The following ATXN8OS variants were observed in gnomAD, a reference collection of about 807,000 sequenced individuals.
ATXN8OS encodes ATXN8 opposite strand (non-protein coding).
intron 1 of ATXN8OS, among the ~76,000 whole-genome samples, chr13:70,112,920 A>ATATTTTTTT (rs1555298511): frequency 2.3e-5 from 2 of 87,588 alleles, no homozygotes; most frequent in African/African-American, 4.4e-5. Context: ...TATATATATA[A>ATATTTTTTT]TTTTTTTTTT....
intron 4 of ATXN8OS, among the ~76,000 whole-genome samples, chr13:70,150,933 G>A (rs969950655): frequency 4.6e-5 from 7 of 152,046 alleles, no homozygotes; most frequent in African/African-American, 1.7e-4. Context: ...GAAGGTTCGT[G>A]GCAAAGCAGG....
Position 70,148,338 on chromosome 13 carries a change from T to C in ATXN8OS, n.573+910T>C, listed in dbSNP as rs576159938. Among the ~76,000 whole-genome samples, 7 of 152,316 alleles carry C rather than the reference T, an allele frequency of 4.6e-5. No homozygotes were observed. The South Asian group carries it at 1.4e-3, about 32-fold the overall frequency. Reference sequence around the variant, plus strand: ...CTTTGATTTCCTTTAGGGCCTGTTATCCATCAAGAGTCGGGTTGGACTTGG... The same window carrying C: ...CTTTGATTTCCTTTAGGGCCTGTTACCCATCAAGAGTCGGGTTGGACTTGG... On this transcript the variant is annotated intron_variant and non_coding_transcript_variant, in intron 4 of 4. Transcript: ENST00000678624.
At chr13:70,168,406 A>T (rs1295751229) in intron 4 of ATXN8OS, among the ~76,000 whole-genome samples, 1 of 152,034 alleles carries the variant, frequency 6.6e-6, no homozygotes, top group Non-Finnish European at 1.5e-5. Flanking sequence ...TGAAATATAC[A>T]ATATGTTGTT....
intron 3 of ATXN8OS, among the ~76,000 whole-genome samples, chr13:70,147,214 T>C (rs1246239827): frequency 6.6e-6 from 1 of 152,180 alleles, no homozygotes; most frequent in South Asian, 2.1e-4. Flanking sequence ...AAAGAAATAT[T>C]GTTCACTGTT....
intron 2 of ATXN8OS, among the ~76,000 whole-genome samples, chr13:70,120,333 A>T (rs1243268181): frequency 6.6e-6 from 1 of 152,216 alleles, no homozygotes; most frequent in Non-Finnish European, 1.5e-5. Context: ...ATCAGTAAGG[A>T]GAAATCTGCT....
At chr13:70,142,949 T>G (rs555370393) in intron 3 of ATXN8OS, among the ~76,000 whole-genome samples, 1 of 152,118 alleles carries the variant, frequency 6.6e-6, no homozygotes, top group Non-Finnish European at 1.5e-5. Context: ...GGCACACGCC[T>G]GTAATCCTAG....
chr13:70,159,092 C>G (rs1182570977), intron 4 of ATXN8OS, among the ~76,000 whole-genome samples: 1 of 151,898 alleles, frequency 6.6e-6, no homozygotes, highest in Admixed American at 6.6e-5. Context: ...CTCCTCATTA[C>G]TAGATAATAC....
At chr13:70,158,202 G>C (rs1390569811) in intron 4 of ATXN8OS, among the ~76,000 whole-genome samples, 1 of 151,970 alleles carries the variant, frequency 6.6e-6, no homozygotes, top group African/African-American at 2.4e-5. Flanking sequence ...GGCAGATCAC[G>C]AGGTCAGGAG....
chr13:70,156,290 T>C (rs1566616543), intron 4 of ATXN8OS, among the ~76,000 whole-genome samples: 1 of 151,956 alleles, frequency 6.6e-6, no homozygotes, highest in Non-Finnish European at 1.5e-5. Flanking sequence ...TTAAATTCAC[T>C]TTCCAAGTAT....
intron 2 of ATXN8OS, among the ~76,000 whole-genome samples, chr13:70,116,971 T>G (rs774123657): frequency 2.0e-5 from 3 of 152,164 alleles, no homozygotes; most frequent in African/African-American, 4.8e-5. Context: ...TGTTCTTCAC[T>G]GATGCAGAAT....
chr13:70,108,287 C>T (rs1888128340), intron 1 of ATXN8OS: 2 of 367,078 alleles, frequency 5.4e-6, no homozygotes, highest in Non-Finnish European at 9.7e-6. Flanking sequence ...TCGAGGATGC[C>T]CCGATAGCCT....
At chr13:70,117,167 G>T (rs1303341130) in intron 2 of ATXN8OS, among the ~76,000 whole-genome samples, 1 of 152,004 alleles carries the variant, frequency 6.6e-6, no homozygotes, top group Non-Finnish European at 1.5e-5. Flanking sequence ...ACACTAGAAA[G>T]TTGCTAAGAC....
intron 4 of ATXN8OS, among the ~76,000 whole-genome samples, chr13:70,156,621 C>A (rs1888940762): frequency 1.3e-5 from 2 of 151,752 alleles, no homozygotes; most frequent in Non-Finnish European, 1.5e-5. Context: ...TTTTTGAAAA[C>A]TTGAGCCAGT....
At chr13:70,113,925 T>G (rs1309395384) in intron 1 of ATXN8OS, among the ~76,000 whole-genome samples, 1 of 152,198 alleles carries the variant, frequency 6.6e-6, no homozygotes, top group African/African-American at 2.4e-5. Context: ...AGTTTTCAAA[T>G]GCTCTTTTTC....
chr13:70,129,980 T>C, intron 3 of ATXN8OS: 1 of 396,102 alleles, frequency 2.5e-6, no homozygotes, highest in East Asian at 3.6e-5. Context: ...ATCAACTACA[T>C]GTTAGTCAAT....
chr13:70,112,435 T>C (rs1888210185), intron 1 of ATXN8OS, among the ~76,000 whole-genome samples: 1 of 152,124 alleles, frequency 6.6e-6, no homozygotes, highest in Non-Finnish European at 1.5e-5. Flanking sequence ...GATTGAAACA[T>C]AATATCATAT....
chr13:70,128,686 C>T (rs947596495), intron 2 of ATXN8OS, among the ~76,000 whole-genome samples: 2 of 152,008 alleles, frequency 1.3e-5, no homozygotes, highest in Non-Finnish European at 2.9e-5. Flanking sequence ...TCCCATAATG[C>T]AAAATTTACT....
At chr13:70,139,564 C>A in intron 3 of ATXN8OS, 1 of 485,650 alleles carries the variant, frequency 2.1e-6, no homozygotes, top group Non-Finnish European at 3.7e-6. Flanking sequence ...TACATCCTTC[C>A]AAAAATTATC....
At chr13:70,153,190 T>G (rs747181377) in intron 4 of ATXN8OS, among the ~76,000 whole-genome samples, 3 of 152,108 alleles carry the variant, frequency 2.0e-5, no homozygotes, top group Non-Finnish European at 4.4e-5. Context: ...AATTAGTAGC[T>G]AAAGAGTGAA....
Sources: allele counts gnomAD v4.1 joint callset (sites outside exome capture counted in the v4.1 genomes callset), GRCh38; gene constraint gnomAD v4.1.1; transcripts MANE v1.5; gene names NCBI Gene and HGNC (gene_info 2026-07-23, HGNC 2026-07-21).